The following EML4 variants were observed in gnomAD, a reference collection of about 807,000 sequenced individuals.
The protein encoded by EML4 is EMAP like 4, also known as echinoderm microtubule-associated protein-like 4.
In EML4, 72 loss-of-function variants were observed where a neutral mutation model predicts 129.0. That is an observed-to-expected ratio of 0.56 (90% CI 0.46 to 0.68). The LOEUF (loss-of-function observed/expected upper bound fraction) is 0.68, where lower values mean the gene tolerates loss of function less well. Among genes scored for constraint, EML4 ranks in the 30% least tolerant of loss-of-function variants. The pLI is 0.00. For missense variants in EML4, 1,363 were observed against 1,190.6 expected (o/e 1.14, Z -2.13); for synonymous variants, 532 against 405.0 (o/e 1.31, Z -3.77).
intron 1 of EML4, among the ~76,000 whole-genome samples, chr2:42,177,600 G>A (rs1379807246): frequency 2.0e-5 from 3 of 152,132 alleles, no homozygotes; most frequent in Non-Finnish European, 4.4e-5. Context: ...TCCAACCTGG[G>A]TGACACAGCG....
At chr2:42,206,394 G>A (rs1672539751) in intron 1 of EML4, among the ~76,000 whole-genome samples, 1 of 151,978 alleles carries the variant, frequency 6.6e-6, no homozygotes, top group East Asian at 1.9e-4. Flanking sequence ...TTGAATTTCT[G>A]GGGGAGAAAT....
At chr2:42,194,953 A>G (rs539509326) in intron 1 of EML4, among the ~76,000 whole-genome samples, 1 of 152,190 alleles carries the variant, frequency 6.6e-6, no homozygotes, top group Non-Finnish European at 1.5e-5. Context: ...TATGCTTATA[A>G]ATGCTAACAA....
chr2:42,249,104 A>ATG (rs1675605031), intron 2 of EML4, among the ~76,000 whole-genome samples: 1 of 152,176 alleles, frequency 6.6e-6, no homozygotes, highest in Non-Finnish European at 1.5e-5. Flanking sequence ...AGATCATCTC[A>ATG]GTTTTGATAT....
At chr2:42,235,379 GAGC>G (rs35268634) in intron 1 of EML4, among the ~76,000 whole-genome samples, 73,178 of 151,342 alleles carry the variant, frequency 0.48, 18,147 homozygotes, top group East Asian at 0.74. Flanking sequence ...AGAATTACTT[GAGC>G]AGCCTGGGAG....
chr2:42,301,479 C>A (rs1668284451), intron 14 of EML4, 87 bp downstream of exon 14: 1 of 1,039,672 alleles, frequency 9.6e-7, no homozygotes. Flanking sequence ...ACTTTTCTGG[C>A]AAACTTATTA....
intron 4 of EML4, 94 bp from the exon 5 acceptor site, chr2:42,263,084 A>G: frequency 9.5e-7 from 1 of 1,047,558 alleles, no homozygotes; most frequent in African/African-American, 1.6e-5. Flanking sequence ...GCTTTAAGGA[A>G]ATGTTAATTG....
At chr2:42,207,036 A>G (rs1050739207) in intron 1 of EML4, among the ~76,000 whole-genome samples, 6 of 152,240 alleles carry the variant, frequency 3.9e-5, no homozygotes, top group Admixed American at 6.5e-5. Context: ...AAATGAGACA[A>G]TGCAGCTGTC....
At chr2:42,227,733 C>G (rs1558519790) in intron 1 of EML4, among the ~76,000 whole-genome samples, 2 of 152,196 alleles carry the variant, frequency 1.3e-5, no homozygotes. Context: ...AACAGCAAAG[C>G]TGAAGACTTT....
chr2:42,308,135 A>G (rs1459929863), intron 17 of EML4, among the ~76,000 whole-genome samples: 1 of 152,268 alleles, frequency 6.6e-6, no homozygotes, highest in African/African-American at 2.4e-5. Flanking sequence ...TCATTTTAAA[A>G]TAATGTCTTA....
At chr2:42,285,274 T>TTA (rs754655874) in intron 9 of EML4, among the ~76,000 whole-genome samples, 47 of 152,308 alleles carry the variant, frequency 3.1e-4, no homozygotes, top group Non-Finnish European at 5.7e-4. Context: ...TACTATTTAA[T>TTA]ATTATTCAGT....
At chr2:42,199,270 G>A (rs896971119) in intron 1 of EML4, among the ~76,000 whole-genome samples, 1 of 152,160 alleles carries the variant, frequency 6.6e-6, no homozygotes, top group Non-Finnish European at 1.5e-5. Context: ...ATTGGGTAGT[G>A]GCTATCTCTT....
intron 17 of EML4, among the ~76,000 whole-genome samples, chr2:42,307,370 A>G (rs942843253): frequency 6.6e-6 from 1 of 152,224 alleles, no homozygotes; most frequent in African/African-American, 2.4e-5. Flanking sequence ...TGTGATAACT[A>G]AATTGAAAGT....
chr2:42,170,284 T>G (rs1246612236), intron 1 of EML4: 1 of 152,334 alleles, frequency 6.6e-6, no homozygotes, highest in Non-Finnish European at 1.5e-5. Flanking sequence ...CATCATTTGC[T>G]TAATGCAGGA....
chr2:42,278,271 A>G (rs1666768613), intron 6 of EML4, among the ~76,000 whole-genome samples: 2 of 152,196 alleles, frequency 1.3e-5, no homozygotes, highest in East Asian at 1.9e-4. Flanking sequence ...TTTGTTTTCA[A>G]AGGACTAAGA....
chr2:42,291,447 C>T (rs1230669354), intron 11 of EML4, among the ~76,000 whole-genome samples: 1 of 137,334 alleles, frequency 7.3e-6, no homozygotes, highest in African/African-American at 2.8e-5. Context: ...GTCACCCATG[C>T]TGGAGTGCAG....
chr2:42,218,623 G>A (rs1673355271), intron 1 of EML4, among the ~76,000 whole-genome samples: 1 of 152,096 alleles, frequency 6.6e-6, no homozygotes, highest in South Asian at 2.1e-4. Flanking sequence ...GTGGAGGAAA[G>A]GAGAATTAAA....
chr2:42,216,775 T>G (rs1212359563), intron 1 of EML4, among the ~76,000 whole-genome samples: 2 of 152,196 alleles, frequency 1.3e-5, no homozygotes, highest in Non-Finnish European at 2.9e-5. Flanking sequence ...CCACAACAAT[T>G]GAGTTGCTTT....
chr2:42,285,808 C>G (rs78074719), intron 9 of EML4: 1 of 159,038 alleles, frequency 6.3e-6, no homozygotes, highest in African/African-American at 2.4e-5. Flanking sequence ...CTCTTGTTAG[C>G]CAGGATGGTC....
chr2:42,242,752 C>A (rs962369466), intron 1 of EML4, among the ~76,000 whole-genome samples: 4 of 149,838 alleles, frequency 2.7e-5, no homozygotes, highest in African/African-American at 7.4e-5. Flanking sequence ...CTCGTCTCTT[C>A]TTTTTTTCTC....
Sources: allele counts gnomAD v4.1 joint callset (sites outside exome capture counted in the v4.1 genomes callset), GRCh38; gene constraint gnomAD v4.1.1; transcripts MANE v1.5; gene names NCBI Gene and HGNC (gene_info 2026-07-23, HGNC 2026-07-21).